The following RAB11FIP4 variants were observed in gnomAD, a reference collection of about 807,000 sequenced individuals.
RAB11FIP4 encodes RAB11 family interacting protein 4.
In RAB11FIP4, 23 loss-of-function variants were observed where a neutral mutation model predicts 74.3. The ratio of observed to expected loss-of-function variants is 0.31; its 90% confidence interval spans 0.22 to 0.44. The LOEUF (loss-of-function observed/expected upper bound fraction) is 0.44, where lower values mean the gene tolerates loss of function less well. RAB11FIP4 is among the 20% of genes least tolerant of loss of function. The probability of loss-of-function intolerance (pLI) is 1.00; values close to 1 mark genes in which losing one functional copy is unlikely to be tolerated. For missense variants in RAB11FIP4, 630 were observed against 863.9 expected, an observed-to-expected ratio of 0.73 and a Z score of 3.39; for synonymous variants, 360 against 359.9, an observed-to-expected ratio of 1.00 and a Z score of 0.00.
At chr17:31,492,183 A>G (rs1266046548) in intron 3 of RAB11FIP4, among the ~76,000 whole-genome samples, 1 of 152,130 alleles carries the variant, frequency 6.6e-6, no homozygotes, top group African/African-American at 2.4e-5. Flanking sequence ...CTGATCCTCA[A>G]GGGTTCCCTG....
At chr17:31,504,232 G>A (rs1302461105) in intron 3 of RAB11FIP4, among the ~76,000 whole-genome samples, 2 of 147,732 alleles carry the variant, frequency 1.4e-5, no homozygotes, top group Admixed American at 6.7e-5. Context: ...CTGGGTTCAC[G>A]CCATTCCCCT....
chr17:31,466,996 C>G (rs1370699271), intron 3 of RAB11FIP4, among the ~76,000 whole-genome samples: 1 of 152,212 alleles, frequency 6.6e-6, no homozygotes, highest in African/African-American at 2.4e-5. Context: ...TCTCCTGGCT[C>G]TTGGTGTCAA....
Position 31,537,753 on chromosome 17 carries a change from C to G in RAB11FIP4, c.*6021C>G, listed in dbSNP as rs1348623536. The G allele has an allele frequency of 6.5e-6, 1 of 153,306 alleles. No individual in the cohort carries two copies. Among genetic ancestry groups the G allele is most frequent in the Non-Finnish European group, 1.5e-5 (1 of 68,556 alleles). The allele number at this position is 153,306 out of a possible 1,614,324, so 9.5% of individuals were successfully genotyped here. The stretch of plus-strand genomic sequence containing the variant: ...GCCTGCTGTGAACACCTGCCCAGCC[C>G]TTCCTTGTCTGCTGAGGTGCTCAGA... On this transcript the variant is annotated 3_prime_UTR_variant, in exon 15 of 15. Transcript: ENST00000621161.
intron 3 of RAB11FIP4, among the ~76,000 whole-genome samples, chr17:31,464,093 C>T (rs1441550541): frequency 1.3e-5 from 2 of 152,036 alleles, no homozygotes; most frequent in African/African-American, 4.8e-5. Context: ...GGATTATAGG[C>T]GTGAGCCGCC....
chr17:31,401,274 TAAA>T (rs72391772), intron 1 of RAB11FIP4, among the ~76,000 whole-genome samples: 5 of 145,448 alleles, frequency 3.4e-5, no homozygotes, highest in Admixed American at 6.8e-5. Flanking sequence ...TCTGTCTAAT[TAAA>T]AAAAAAAAAA....
At chr17:31,415,540 C>T (rs1034712006) in intron 1 of RAB11FIP4, among the ~76,000 whole-genome samples, 27 of 152,202 alleles carry the variant, frequency 1.8e-4, no homozygotes, top group African/African-American at 6.0e-4. Flanking sequence ...CTTCCTCCCC[C>T]CAATCCCCAT....
At chr17:31,457,031 T>TG (rs904944576) in intron 3 of RAB11FIP4, among the ~76,000 whole-genome samples, 9 of 152,146 alleles carry the variant, frequency 5.9e-5, no homozygotes, top group Non-Finnish European at 1.2e-4. Context: ...GGCCTGGTCC[T>TG]GGGGGCCTGT....
chr17:31,453,355 CAAAAAAAA>C (rs747844559), intron 3 of RAB11FIP4, among the ~76,000 whole-genome samples: 1 of 71,774 alleles, frequency 1.4e-5, no homozygotes, highest in African/African-American at 5.9e-5. Context: ...GACCCTACCT[CAAAAAAAA>C]AAAAAAAAAA....
intron 1 of RAB11FIP4, among the ~76,000 whole-genome samples, chr17:31,411,123 G>A (rs2071089860): frequency 6.6e-6 from 1 of 152,190 alleles, no homozygotes; most frequent in South Asian, 2.1e-4. Context: ...CAGCGCTTTG[G>A]GAGGCCGAGG....
intron 3 of RAB11FIP4, among the ~76,000 whole-genome samples, chr17:31,478,059 C>T (rs1300964628): frequency 7.1e-6 from 1 of 140,980 alleles, no homozygotes; most frequent in Non-Finnish European, 1.5e-5. Flanking sequence ...GTGGCTAGAT[C>T]TCGGCTCACT....
intron 9 of RAB11FIP4, chr17:31,524,510 C>A (rs922022939): frequency 1.8e-5 from 3 of 170,370 alleles, no homozygotes; most frequent in Admixed American, 1.1e-4. Context: ...GGGGTCCGGT[C>A]CTCCAACTTG....
chr17:31,432,817 T>A (rs950730540), intron 2 of RAB11FIP4, among the ~76,000 whole-genome samples: 3 of 152,206 alleles, frequency 2.0e-5, no homozygotes, highest in African/African-American at 7.2e-5. Context: ...CACTTACTAC[T>A]AAGCTGTTTA....
At chr17:31,412,775 C>A (rs2071110553) in intron 1 of RAB11FIP4, among the ~76,000 whole-genome samples, 1 of 152,192 alleles carries the variant, frequency 6.6e-6, no homozygotes, top group Non-Finnish European at 1.5e-5. Flanking sequence ...AGGTCCTCTG[C>A]CAGGGCTACA....
chr17:31,431,256 A>G (rs112501932), intron 1 of RAB11FIP4, among the ~76,000 whole-genome samples: 2,885 of 152,034 alleles, frequency 0.019, 84 homozygotes, highest in African/African-American at 0.065. Context: ...CGGGAGAGAA[A>G]CTCTCCAACC....
chr17:31,488,329 C>T (rs2071940739), intron 3 of RAB11FIP4: 2 of 1,124,612 alleles, frequency 1.8e-6, no homozygotes, highest in Non-Finnish European at 2.2e-6. Context: ...GCACCTGGCT[C>T]GGCCCGGCCC....
intron 1 of RAB11FIP4, among the ~76,000 whole-genome samples, chr17:31,425,126 T>G (rs529887978): frequency 7.9e-5 from 12 of 152,356 alleles, no homozygotes; most frequent in Non-Finnish European, 1.5e-4. Context: ...ACCTTAATTC[T>G]GAATGACTTT....
intron 9 of RAB11FIP4, 64 bp downstream of exon 9, chr17:31,524,060 T>G (rs964870648): frequency 8.4e-7 from 1 of 1,189,242 alleles, no homozygotes; most frequent in Non-Finnish European, 1.2e-6. Flanking sequence ...GGGTCCATCT[T>G]GCTAAGACCT....
intron 3 of RAB11FIP4, among the ~76,000 whole-genome samples, chr17:31,455,828 G>A (rs923692141): frequency 2.0e-5 from 3 of 152,198 alleles, no homozygotes; most frequent in Non-Finnish European, 4.4e-5. Flanking sequence ...TACCAGGCAG[G>A]AGGCATGTCA....
At chr17:31,501,440 A>G (rs1276527032) in intron 3 of RAB11FIP4, among the ~76,000 whole-genome samples, 1 of 152,254 alleles carries the variant, frequency 6.6e-6, no homozygotes, top group East Asian at 1.9e-4. Flanking sequence ...AGTTGGGCAA[A>G]ATCATCTAAC....
Sources: allele counts gnomAD v4.1 joint callset (sites outside exome capture counted in the v4.1 genomes callset), GRCh38; gene constraint gnomAD v4.1.1; transcripts MANE v1.5; gene names NCBI Gene and HGNC (gene_info 2026-07-23, HGNC 2026-07-21).